RAI1: variants seen among roughly 807,000 people sequenced by gnomAD.
RAI1 encodes the protein retinoic acid induced 1, also known as retinoic acid-induced protein 1.
A neutral mutation model predicts 123.8 loss-of-function variants in RAI1; 9 were observed. The observed-to-expected ratio is 0.07, with a 90% confidence interval of 0.04 to 0.13. The LOEUF (loss-of-function observed/expected upper bound fraction) is 0.13. Among genes scored for constraint, RAI1 ranks in the 10% least tolerant of loss-of-function variants. RAI1 has a pLI of 1.00. For synonymous variants in RAI1, 1,231 were observed against 1,127.3 expected (o/e 1.09, Z -1.84); for missense variants, 2,256 against 2,545.8 (o/e 0.89, Z 2.45).
chr17:17,794,937 G>C lies in RAI1; in HGVS notation c.1989G>C (p.Glu663Asp). The C allele has an allele frequency of 6.2e-7, 1 of 1,613,696 alleles. No homozygotes were observed. Among genetic ancestry groups the C allele is most frequent in the East Asian group, 2.2e-5 (1 of 44,880 alleles). ...AGAGTGCGTGGCCCCGGCCTGGGGA[G>C]CCGGAGGCCCTGCCCGACTCCTTGC... ...VAKSAWPRPG[E>D]PEALPDSLQL... Residue 663 changes from glutamate (E) to aspartate (D), a missense_variant, in exon 3 of 6, where the codon GAG (glutamate) becomes GAC (aspartate). Around this residue, in one of 7 missense-constraint regions of RAI1, gnomAD observed 566 missense variants for 616.0 expected, o/e 0.92. Transcript: ENST00000353383.
intron 2 of RAI1, among the ~76,000 whole-genome samples, chr17:17,761,650 T>G (rs942054373): frequency 6.6e-6 from 1 of 152,082 alleles, no homozygotes; most frequent in Non-Finnish European, 1.5e-5. Context: ...GGTGGAAAGG[T>G]TGGGAGGCAC....
At position 17,714,935 on chromosome 17, in the gene RAI1, A is replaced by G. The variant is rs1412103986; in HGVS notation, c.-148-9093A>G. Among the ~76,000 whole-genome samples, 1 of 152,164 alleles carries G rather than the reference A, an allele frequency of 6.6e-6. No homozygotes were observed. The highest frequency in any genetic ancestry group is 1.5e-5 in the Non-Finnish European group (1 of 68,012). Reference sequence around the variant, plus strand: ...GAGAGAGGTAGTAATGTCGCCTTCCACCTCATGGACTTCCCAGTTTAGAAT... The same window carrying G: ...GAGAGAGGTAGTAATGTCGCCTTCCGCCTCATGGACTTCCCAGTTTAGAAT... On this transcript the variant is annotated intron_variant, in intron 1 of 5. Transcript: ENST00000353383. This position sits in a 1 kb window ranked among gnomAD's most constrained non-coding sequence, Gnocchi z 4.9.
intron 2 of RAI1, among the ~76,000 whole-genome samples, chr17:17,786,647 C>T (rs959684774): frequency 1.3e-5 from 2 of 152,236 alleles, no homozygotes; most frequent in Non-Finnish European, 2.9e-5. Flanking sequence ...GTCACACAGT[C>T]AGCCAGCAGT....
Position 17,795,220 on chromosome 17 carries a change from T to C in RAI1, c.2272T>C (p.Trp758Arg). The C allele has an allele frequency of 6.2e-7, 1 of 1,613,800 alleles. No homozygotes were observed. The highest frequency in any genetic ancestry group is 1.1e-5 in the South Asian group (1 of 91,068). ...EENLGDACPR[W>R]GLHPGELTKG... is the part of the protein sequence containing the mutation. ...AAACCTGGGGGATGCTTGTCCCAGG[T>C]GGGGATTGCACCCTGGCGAGCTTAC... is the stretch of plus-strand genomic sequence containing the variant. The change falls in exon 3 of 6, where the codon TGG (tryptophan) becomes CGG (arginine). Residue 758 changes from tryptophan to arginine, a missense_variant. Trp to Arg is a moderately radical substitution (Grantham distance 101). Around this residue, in one of 7 missense-constraint regions of RAI1, gnomAD observed 566 missense variants for 616.0 expected, o/e 0.92. Coordinates refer to ENST00000353383, the MANE Select transcript of RAI1 (RefSeq NM_030665.4). This position sits in a 1 kb window ranked among gnomAD's most constrained non-coding sequence, Gnocchi z 5.9.
At chr17:17,722,646 C>A (rs1275859302) in intron 1 of RAI1, among the ~76,000 whole-genome samples, 1 of 152,368 alleles carries the variant, frequency 6.6e-6, no homozygotes. Flanking sequence ...TTGCCGCATG[C>A]TTCTGTGCTG....
intron 2 of RAI1, among the ~76,000 whole-genome samples, chr17:17,782,619 G>A (rs2031632313): frequency 1.3e-5 from 2 of 151,174 alleles, no homozygotes; most frequent in African/African-American, 4.9e-5. Flanking sequence ...CCACGGGGGC[G>A]GGGGGTTGGG....
At chr17:17,715,076 C>T (rs1309520188) in intron 1 of RAI1, among the ~76,000 whole-genome samples, 3 of 152,172 alleles carry the variant, frequency 2.0e-5, no homozygotes, top group Non-Finnish European at 4.4e-5. Context: ...CCCAGGGGCA[C>T]ACAGCCAGGA....
chr17:17,775,255 G>A (rs2031298442), intron 2 of RAI1, among the ~76,000 whole-genome samples: 1 of 148,154 alleles, frequency 6.7e-6, no homozygotes, highest in Admixed American at 6.8e-5. Flanking sequence ...CTGAGTTGGA[G>A]TGCGGTGGCA....
intron 2 of RAI1, chr17:17,778,596 TG>T: frequency 2.6e-6 from 1 of 387,648 alleles, no homozygotes. Flanking sequence ...AGAGTGGGCA[TG>T]GGGGCAGATG....
chr17:17,764,472 C>CT (rs60189169), intron 2 of RAI1, among the ~76,000 whole-genome samples: 64,313 of 134,326 alleles, frequency 0.48, 17,043 homozygotes, highest in Non-Finnish European at 0.61. Context: ...TTCTTTTCCT[C>CT]TTTTTTTTTT....
intron 2 of RAI1, among the ~76,000 whole-genome samples, chr17:17,740,530 G>C (rs1209026660): frequency 1.3e-5 from 2 of 152,208 alleles, no homozygotes; most frequent in African/African-American, 4.8e-5. Context: ...CTTCGAATAG[G>C]TACAGGCACT....
chr17:17,795,339 C>T lies in RAI1; in HGVS notation c.2391C>T (p.Asp797=), dbSNP rs1255770587. Reference sequence around the variant, plus strand: ...CCTGCCTGGGCTTCCAGGAGGAGGACCCCCCTGGGGAGAAGGTGGCCTCGT... The same window carrying T: ...CCTGCCTGGGCTTCCAGGAGGAGGATCCCCCTGGGGAGAAGGTGGCCTCGT... ...ASACLGFQEE[D]PPGEKVASLP... The change falls in exon 3 of 6, where the codon GAC becomes GAT. Residue 797 remains aspartate, a synonymous_variant. Transcript: ENST00000353383. The surrounding 1 kb of genome is among the most constrained non-coding windows in gnomAD (Gnocchi z 5.9). The T allele has an allele frequency of 6.2e-7, 1 of 1,601,568 alleles. No homozygotes were observed. Among genetic ancestry groups the T allele is most frequent in the Non-Finnish European group, 8.5e-7 (1 of 1,171,752 alleles).
intron 2 of RAI1, among the ~76,000 whole-genome samples, chr17:17,780,082 T>TTTTTTTTTTTTTTTTA (rs71152902): frequency 9.0e-6 from 1 of 110,960 alleles, no homozygotes; most frequent in African/African-American, 3.6e-5. Flanking sequence ...GGCTTTTTTT[T>TTTTTTTTTTTTTTTTA]AAGACAAGAG....
At chr17:17,694,654 G>T (rs1474554123) in intron 1 of RAI1, among the ~76,000 whole-genome samples, 1 of 151,756 alleles carries the variant, frequency 6.6e-6, no homozygotes, top group Non-Finnish European at 1.5e-5. Context: ...TCTTGGCCGC[G>T]CCGGAGCCTC....
intron 1 of RAI1, chr17:17,684,691 T>TGC (rs1435510889): frequency 3.2e-5 from 4 of 126,436 alleles, no homozygotes; most frequent in African/African-American, 1.4e-4. Context: ...TATATATATA[T>TGC]ATATATATAT....
intron 2 of RAI1, among the ~76,000 whole-genome samples, chr17:17,763,060 A>G (rs375219417): frequency 1.3e-5 from 2 of 151,750 alleles, no homozygotes; most frequent in East Asian, 3.9e-4. Flanking sequence ...GGAAAAAAAA[A>G]AAAAAAGTTC....
rs768212775 is a variant in RAI1, at chr17:17,793,925, C to T, written c.977C>T (p.Ala326Val). The T allele has an allele frequency of 6.2e-7, 1 of 1,613,924 alleles. No individual in the cohort carries two copies. ...QQGQGYCQPD[A>V]AVRTPEQYYQ... Reference sequence around the variant, plus strand: ...GGCCAGGGCTACTGCCAGCCGGACGCAGCCGTCCGGACCCCAGAGCAGTAC... The same window carrying T: ...GGCCAGGGCTACTGCCAGCCGGACGTAGCCGTCCGGACCCCAGAGCAGTAC... The change falls in exon 3 of 6, where the codon GCA becomes GTA. Residue 326 changes from alanine to valine, a missense_variant. Transcript: ENST00000353383.
chr17:17,693,129 A>C (rs1914895202), intron 1 of RAI1, among the ~76,000 whole-genome samples: 1 of 152,230 alleles, frequency 6.6e-6, no homozygotes, highest in African/African-American at 2.4e-5. Flanking sequence ...ATGCAGAGGC[A>C]TCTGCCCAGG....
At chr17:17,724,406 CTTTTTTTT>C (rs771760855) in intron 2 of RAI1, among the ~76,000 whole-genome samples, 2 of 103,758 alleles carry the variant, frequency 1.9e-5, no homozygotes, top group African/African-American at 3.9e-5. Flanking sequence ...TCTTTCTTTC[CTTTTTTTT>C]TTTTTTTTTT....
Sources: gnomAD v4.1 joint callset for allele counts (sites outside exome capture counted in the v4.1 genomes callset) on GRCh38, gnomAD v4.1.1 for gene constraint, gnomAD v4.1.1 regional missense constraint, Gnocchi (gnomAD v3.1) non-coding constraint, MANE v1.5 for transcripts, NCBI Gene and HGNC (gene_info 2026-07-23, HGNC 2026-07-21) for gene names.